Variants in ADGB observed in about 807,000 individuals in gnomAD.
The protein encoded by ADGB is androglobin.
A neutral mutation model predicts 210.5 loss-of-function variants in ADGB; 172 were observed. That is an observed-to-expected ratio of 0.82 (90% CI 0.72 to 0.93). The LOEUF (loss-of-function observed/expected upper bound fraction) is 0.93, where lower values mean the gene tolerates loss of function less well. Ranked by LOEUF, ADGB falls within the 40% of genes least tolerant of loss-of-function variation. The probability of loss-of-function intolerance (pLI) is 0.00; values close to 1 mark genes in which losing one functional copy is unlikely to be tolerated. For missense variants in ADGB, 2,025 were observed against 1,964.8 expected (o/e 1.03, Z -0.58); for synonymous variants, 658 against 662.7 (o/e 0.99, Z 0.11).
chr6:146,801,250 A>T lies in ADGB; in HGVS notation c.4605A>T (p.Leu1535=), dbSNP rs1203889391. ...ETSPRLIRKA[L]EFMDLSQYVR... ...CTCCACGACTTATTCGAAAAGCACT[A>T]GAATTTATGGATTTAAGTCAATATG... The change falls in exon 34 of 36, where the codon CTA becomes CTT. Residue 1535 remains leucine (L), a synonymous_variant. Coordinates refer to ENST00000397944, the MANE Select transcript of ADGB (RefSeq NM_024694.4). 4 of 1,512,960 alleles carry T rather than the reference A, an allele frequency of 2.6e-6. No individual in the cohort carries two copies. The highest frequency in any genetic ancestry group is 3.5e-6 in the Non-Finnish European group (4 of 1,128,928). 93.7% of individuals were successfully genotyped at this position (1,512,960 alleles called of 1,614,324 possible).
rs1464659033 is a variant in ADGB at position 146,676,429 on chromosome 6, T to C, written c.1204T>C (p.Ser402Pro). ...ATCAGAAGTGCAGTACTCTGTGCAGTCCCTATCAGATTGTAAGCTCCTAAT... is the reference window on the plus strand; with the variant it reads ...ATCAGAAGTGCAGTACTCTGTGCAGCCCCTATCAGATTGTAAGCTCCTAAT... ...PSSEVQYSVQ[S>P]LSDCSSAIQT... Residue 402 changes from serine (S) to proline (P), a missense_variant, in exon 9 of 36, where the codon TCC (serine) becomes CCC (proline). Ser to Pro is a moderately conservative substitution (Grantham distance 74). Transcript: ENST00000397944. The C allele has an allele frequency of 7.0e-7, 1 of 1,436,006 alleles. No individual in the cohort carries two copies. 89.0% of individuals were successfully genotyped at this position (1,436,006 alleles called of 1,614,324 possible). A position where few individuals can be genotyped will look rare whatever the true frequency, so the allele number is the denominator to read the frequency against.
chr6:146,787,408 C>A (rs770856757), intron 32 of ADGB, among the ~76,000 whole-genome samples: 8 of 152,114 alleles, frequency 5.3e-5, no homozygotes, highest in Non-Finnish European at 8.8e-5. Context: ...TCATATGTAC[C>A]CCGTATGTCT....
At position 146,736,478 on chromosome 6, in the gene ADGB, T is replaced by C; in HGVS notation, c.2795-20T>C. The stretch of plus-strand genomic sequence containing the variant: ...GGCATCTTAAAGCTTAACGTTTTTA[T>C]TATTTATTATTATTTTTAGACACAA... On this transcript the variant is annotated intron_variant, in intron 22 of 35. Transcript: ENST00000397944. 7.0e-7 allele frequency: 1 copy of C among 1,427,322 alleles called. No individual in the cohort carries two copies. The highest frequency in any genetic ancestry group is 1.3e-5 in the South Asian group (1 of 74,166). The allele number at this position is 1,427,322 out of a possible 1,614,324, so 88.4% of individuals were successfully genotyped here. A position where few individuals can be genotyped will look rare whatever the true frequency, so the allele number is the denominator to read the frequency against.
At chr6:146,746,909 T>A (rs1200103729) in intron 26 of ADGB, among the ~76,000 whole-genome samples, 1 of 151,966 alleles carries the variant, frequency 6.6e-6, no homozygotes, top group Admixed American at 6.6e-5. Context: ...GTCCCATGTG[T>A]CCTGTCCCCA....
At chr6:146,671,952 AT>A (rs1776015224) in intron 7 of ADGB, among the ~76,000 whole-genome samples, 1 of 152,156 alleles carries the variant, frequency 6.6e-6, no homozygotes, top group African/African-American at 2.4e-5. Context: ...TGTTAACGTG[AT>A]TAGCTTCCCT....
intron 9 of ADGB, among the ~76,000 whole-genome samples, chr6:146,679,593 A>G (rs948401496): frequency 3.3e-5 from 5 of 152,184 alleles, no homozygotes; most frequent in African/African-American, 9.6e-5. Context: ...TTTGGCACTG[A>G]TTCTGCTCTC....
At chr6:146,751,661 A>G (rs1777324189) in intron 26 of ADGB, among the ~76,000 whole-genome samples, 1 of 151,930 alleles carries the variant, frequency 6.6e-6, no homozygotes, top group African/African-American at 2.4e-5. Flanking sequence ...GACCTTAATA[A>G]TCATCATTCT....
intron 12 of ADGB, among the ~76,000 whole-genome samples, chr6:146,697,415 T>C (rs890417059): frequency 2.0e-5 from 3 of 152,194 alleles, no homozygotes; most frequent in Admixed American, 2.0e-4. Context: ...CAATTATCCT[T>C]CAATAGAGTG....
chr6:146,702,728 A>G (rs559244504), intron 13 of ADGB, among the ~76,000 whole-genome samples: 21 of 152,048 alleles, frequency 1.4e-4, no homozygotes, highest in African/African-American at 5.1e-4. Flanking sequence ...TTATTATGTA[A>G]ATGAACTGTA....
At chr6:146,643,148 C>A (rs2114868708) in intron 2 of ADGB, among the ~76,000 whole-genome samples, 1 of 151,958 alleles carries the variant, frequency 6.6e-6, no homozygotes, top group Middle Eastern at 3.4e-3. Context: ...TTTTCGATGA[C>A]TCGCTTTTTG....
chr6:146,765,529 T>A (rs1777559859), intron 28 of ADGB, among the ~76,000 whole-genome samples: 1 of 151,602 alleles, frequency 6.6e-6, no homozygotes, highest in African/African-American at 2.4e-5. Context: ...TTATCTGAAC[T>A]TAATGCAATA....
At chr6:146,780,428 T>G (rs1328510687) in intron 29 of ADGB, among the ~76,000 whole-genome samples, 2 of 152,100 alleles carry the variant, frequency 1.3e-5, no homozygotes, top group Admixed American at 6.6e-5. Context: ...AACAAACACA[T>G]GACCTAATTA....
chr6:146,795,494 C>G (rs180708979), intron 33 of ADGB, among the ~76,000 whole-genome samples: 9 of 152,076 alleles, frequency 5.9e-5, no homozygotes, highest in African/African-American at 1.9e-4. Context: ...TGGAAAAGGA[C>G]ATGAACAGAC....
At chr6:146,695,844 C>G (rs943265759) in intron 12 of ADGB, among the ~76,000 whole-genome samples, 11 of 151,864 alleles carry the variant, frequency 7.2e-5, no homozygotes, top group Non-Finnish European at 1.6e-4. Flanking sequence ...AAATGAAAAG[C>G]TCATTCATTC....
chr6:146,728,381 A>C (rs892904714), intron 19 of ADGB, among the ~76,000 whole-genome samples, 193 bp from the exon 20 acceptor site: 1 of 152,192 alleles, frequency 6.6e-6, no homozygotes, highest in South Asian at 2.1e-4. Context: ...ACAGGTTCCC[A>C]CTCAGGTAAG....
Position 146,726,064 on chromosome 6 carries a change from C to A in ADGB, c.2238-19C>A. 6.8e-7 allele frequency: 1 copy of A among 1,468,850 alleles called. No homozygotes were observed. Among genetic ancestry groups the A allele is most frequent in the Non-Finnish European group, 9.3e-7 (1 of 1,077,824 alleles). 91.0% of individuals were successfully genotyped at this position (1,468,850 alleles called of 1,614,324 possible). A position where few individuals can be genotyped will look rare whatever the true frequency, so the allele number is the denominator to read the frequency against. ...ACCCAGGAAGCACTCGGTTATCATC[C>A]GGCATCCCTTCTCTTTAGGAGACAC... On this transcript the variant is annotated intron_variant, in intron 18 of 35. Coordinates refer to ENST00000397944, the MANE Select transcript of ADGB (RefSeq NM_024694.4).
chr6:146,792,280 G>A (rs1432533766), intron 33 of ADGB, among the ~76,000 whole-genome samples: 1 of 152,148 alleles, frequency 6.6e-6, no homozygotes, highest in East Asian at 1.9e-4. Context: ...AATTTTGGTA[G>A]GGATTGTATT....
chr6:146,767,838 G>A (rs1562296275), intron 28 of ADGB, among the ~76,000 whole-genome samples: 1 of 152,260 alleles, frequency 6.6e-6, no homozygotes, highest in East Asian at 1.9e-4. Flanking sequence ...TGCTAAAGCA[G>A]GACTTCAACC....
rs142334579 is a variant in ADGB, at chr6:146,693,922, C to T, written c.1577+1007C>T. 1.1e-3 allele frequency among the ~76,000 whole-genome samples: 165 copies of T among 152,196 alleles called. 2 individuals carry two copies. The East Asian group carries it at 0.025, about 23-fold the overall frequency. ...CATGTTCCTAATTTCCATTTGAGAC[C>T]TCATCAAAATGGCCTTTACTATCCA... On this transcript the variant is annotated intron_variant, in intron 12 of 35. Coordinates refer to ENST00000397944, the MANE Select transcript of ADGB (RefSeq NM_024694.4).
Sources: gnomAD v4.1 joint callset for allele counts (sites outside exome capture counted in the v4.1 genomes callset) on GRCh38, gnomAD v4.1.1 for gene constraint, MANE v1.5 for transcripts, NCBI Gene and HGNC (gene_info 2026-07-23, HGNC 2026-07-21) for gene names.